ACOT12: variants seen among roughly 807,000 people sequenced by gnomAD.
ACOT12 encodes acyl-CoA thioesterase 12.
ACOT12 carries 51 observed loss-of-function variants against 67.7 expected under a neutral mutation model. The ratio of observed to expected loss-of-function variants is 0.75; its 90% confidence interval spans 0.60 to 0.95. ACOT12 has a LOEUF of 0.95. ACOT12 is among the 40% of genes least tolerant of loss of function. The pLI, the probability that ACOT12 is intolerant of heterozygous loss-of-function variation, is 0.00. For synonymous variants in ACOT12, 251 were observed against 244.6 expected (o/e 1.03, Z -0.24); for missense variants, 734 against 708.1 (o/e 1.04, Z -0.41).
chr5:81,353,305 GTTTT>G (rs770808358), intron 5 of ACOT12, among the ~76,000 whole-genome samples: 1,786 of 152,304 alleles, frequency 0.012, 18 homozygotes, highest in South Asian at 0.019. Flanking sequence ...AAAAAATAGG[GTTTT>G]CCCAGGTTCA....
chr5:81,383,402 C>T (rs1030341219), intron 2 of ACOT12, among the ~76,000 whole-genome samples: 23 of 152,224 alleles, frequency 1.5e-4, no homozygotes, highest in Middle Eastern at 6.8e-3. Context: ...TTCATCATGT[C>T]AATTTTTAGA....
downstream of ACOT12, among the ~76,000 whole-genome samples, chr5:81,327,239 C>CATATAT (rs10618114): frequency 4.5e-4 from 68 of 149,774 alleles, no homozygotes; most frequent in African/African-American, 1.6e-3. Flanking sequence ...TACATACACA[C>CATATAT]ATATATATAT....
At chr5:81,390,040 G>A (rs13181989) in intron 1 of ACOT12, among the ~76,000 whole-genome samples, 2,581 of 145,874 alleles carry the variant, frequency 0.018, 84 homozygotes, top group Admixed American at 0.047. Context: ...CTGCAGCCTC[G>A]ACCTCCCAGG....
intron 2 of ACOT12, among the ~76,000 whole-genome samples, chr5:81,383,899 A>T (rs576895348): frequency 1.3e-5 from 2 of 152,222 alleles, no homozygotes; most frequent in African/African-American, 4.8e-5. Context: ...AGAGTAAAAA[A>T]GTTACAATAA....
chr5:81,393,840 G>C (rs1158932899), intron 1 of ACOT12, 148 bp downstream of exon 1: 3 of 835,150 alleles, frequency 3.6e-6, no homozygotes, highest in African/African-American at 1.8e-5. Context: ...CAGCGCGGGC[G>C]CACTGTTGCA....
At chr5:81,363,288 G>A (rs1300463890) in intron 4 of ACOT12, among the ~76,000 whole-genome samples, 1 of 152,138 alleles carries the variant, frequency 6.6e-6, no homozygotes, top group Non-Finnish European at 1.5e-5. Context: ...ACTTCGGAGG[G>A]TGTTTTCACC....
chr5:81,382,252 A>G (rs947820959), intron 2 of ACOT12, among the ~76,000 whole-genome samples: 1 of 152,166 alleles, frequency 6.6e-6, no homozygotes, highest in Admixed American at 6.5e-5. Flanking sequence ...TTTTGATGTG[A>G]TGTGCACCTT....
chr5:81,393,680 G>A (rs1399168568), intron 1 of ACOT12, among the ~76,000 whole-genome samples: 1 of 151,918 alleles, frequency 6.6e-6, no homozygotes, highest in East Asian at 1.9e-4. Flanking sequence ...TGGCGCCACC[G>A]CTCTCCAGCC....
At chr5:81,364,142 C>T (rs1156500404) in intron 3 of ACOT12, among the ~76,000 whole-genome samples, 1 of 151,208 alleles carries the variant, frequency 6.6e-6, no homozygotes, top group Non-Finnish European at 1.5e-5. Context: ...TATATATTAT[C>T]AGTAATCCCA....
intron 1 of ACOT12, among the ~76,000 whole-genome samples, chr5:81,391,762 G>A (rs1204661721): frequency 6.6e-6 from 1 of 152,186 alleles, no homozygotes; most frequent in Non-Finnish European, 1.5e-5. Flanking sequence ...TGGTCGCAAT[G>A]GGGGTGCAGC....
chr5:81,335,812 G>C lies in ACOT12; in HGVS notation c.1218C>G (p.Leu406=). 6.2e-7 allele frequency: 1 copy of C among 1,613,840 alleles called. No individual in the cohort carries two copies. Among genetic ancestry groups the C allele is most frequent in the Non-Finnish European group, 8.5e-7 (1 of 1,179,956 alleles). The part of the protein sequence containing the change: ...VGSPAHLAYR[L]LSDFTKRPLW... The stretch of plus-strand genomic sequence containing the variant: ...AAGGTCGCTTTGTAAAGTCAGACAA[G>C]AGACGATAAGCCAAATGTGCTGGAC... The change falls in exon 12 of 15, where the codon CTC becomes CTG. Residue 406 remains leucine, a synonymous_variant. Coordinates refer to ENST00000307624, the MANE Select transcript of ACOT12 (RefSeq NM_130767.3).
chr5:81,384,360 A>G (rs1760671117), intron 2 of ACOT12, among the ~76,000 whole-genome samples: 1 of 151,902 alleles, frequency 6.6e-6, no homozygotes, highest in Non-Finnish European at 1.5e-5. Context: ...CTGGTTTTGA[A>G]CTGCTGACCT....
downstream of ACOT12, among the ~76,000 whole-genome samples, chr5:81,329,331 T>C (rs981980986): frequency 6.6e-6 from 1 of 152,226 alleles, no homozygotes; most frequent in Non-Finnish European, 1.5e-5. Flanking sequence ...GAATATAATA[T>C]ATAATTATTT....
At position 81,394,110 on chromosome 5, in the gene ACOT12, T is replaced by C; in HGVS notation, c.5A>G (p.Glu2Gly). 1.4e-6 allele frequency: 2 copies of C among 1,447,770 alleles called. No homozygotes were observed. The highest frequency in any genetic ancestry group is 9.1e-7 in the Non-Finnish European group (1 of 1,104,332). 89.7% of individuals were successfully genotyped at this position (1,447,770 alleles called of 1,614,324 possible). Residue 2 changes from glutamate (E) to glycine (G), a missense_variant, in exon 1 of 15, where the codon GAG (glutamate) becomes GGG (glycine). Transcript: ENST00000307624. Reference protein sequence around the residue: MERPAPGEVVMS... With the variant: MGRPAPGEVVMS... ...GACCACCTCGCCGGGCGCCGGCCGC[T>C]CCATGGCCAGGGCGAGAGCGCTACG...
chr5:81,335,221 G>C (rs539103269), intron 12 of ACOT12, among the ~76,000 whole-genome samples: 1 of 152,278 alleles, frequency 6.6e-6, no homozygotes, highest in East Asian at 1.9e-4. Context: ...CTCTTAAATG[G>C]AAATAATATT....
chr5:81,360,142 GTAAA>G, intron 4 of ACOT12, 104 bp from the exon 5 acceptor site: 1 of 1,178,486 alleles, frequency 8.5e-7, no homozygotes, highest in Admixed American at 2.8e-5. Context: ...TCTAACTCAA[GTAAA>G]TAGAGCTTTT....
At chr5:81,328,145 A>T (rs894693352), downstream of ACOT12, among the ~76,000 whole-genome samples, 2 of 152,062 alleles carry the variant, frequency 1.3e-5, no homozygotes. Context: ...AGCATGCTGC[A>T]TCCAGAGATC....
chr5:81,345,540 T>C (rs991036322), intron 7 of ACOT12, among the ~76,000 whole-genome samples: 2 of 152,132 alleles, frequency 1.3e-5, no homozygotes, highest in African/African-American at 4.8e-5. Context: ...GATTTCATGG[T>C]GGTAATACCA....
intron 2 of ACOT12, among the ~76,000 whole-genome samples, chr5:81,375,350 A>G (rs970269552): frequency 5.9e-5 from 9 of 152,176 alleles, no homozygotes; most frequent in African/African-American, 2.2e-4. Flanking sequence ...AGCACCAAAC[A>G]TGGAAAGGAA....
Sources: allele counts gnomAD v4.1 joint callset (sites outside exome capture counted in the v4.1 genomes callset), GRCh38; gene constraint gnomAD v4.1.1; transcripts MANE v1.5; gene names NCBI Gene and HGNC (gene_info 2026-07-23, HGNC 2026-07-21).